The following RBFOX1 variants were observed in gnomAD, a reference collection of about 807,000 sequenced individuals.
RBFOX1 encodes RNA binding fox-1 homolog 1.
A neutral mutation model predicts 57.7 loss-of-function variants in RBFOX1; 8 were observed. The ratio of observed to expected loss-of-function variants is 0.14; its 90% CI spans 0.08 to 0.25. RBFOX1 has a LOEUF of 0.25. Among genes scored for constraint, RBFOX1 ranks in the 10% least tolerant of loss-of-function variants. The pLI, the probability that RBFOX1 is intolerant of heterozygous loss-of-function variation, is 1.00. For synonymous variants in RBFOX1, 326 were observed against 222.4 expected (o/e 1.47, Z -4.15); for missense variants, 611 against 548.5 (o/e 1.11, Z -1.14).
At chr16:5,616,989 C>A (rs1443456555) in intron 3 of RBFOX1, among the ~76,000 whole-genome samples, 2 of 150,470 alleles carry the variant, frequency 1.3e-5, no homozygotes, top group Non-Finnish European at 2.9e-5. Context: ...CCAAGTGAAA[C>A]TGGCCGGAGG....
At chr16:7,166,757 G>T (rs1441639088) in intron 4 of RBFOX1, among the ~76,000 whole-genome samples, 1 of 152,036 alleles carries the variant, frequency 6.6e-6, no homozygotes, top group Non-Finnish European at 1.5e-5. Context: ...ATCCTTGGAT[G>T]AGTGCGCACT....
intron 4 of RBFOX1, among the ~76,000 whole-genome samples, chr16:7,057,536 C>A (rs973883856): frequency 6.6e-5 from 10 of 152,296 alleles, no homozygotes; most frequent in Non-Finnish European, 1.2e-4. Flanking sequence ...ACCATCAGTG[C>A]ATCCTCGTTA....
intron 4 of RBFOX1, among the ~76,000 whole-genome samples, chr16:7,303,120 G>A (rs1603612132): frequency 6.6e-6 from 1 of 152,218 alleles, no homozygotes; most frequent in East Asian, 1.9e-4. Context: ...TAGTCCAACA[G>A]GCTTGATTTC....
At chr16:6,926,038 G>A (rs988758162) in intron 3 of RBFOX1, among the ~76,000 whole-genome samples, 28 of 152,222 alleles carry the variant, frequency 1.8e-4, no homozygotes, top group African/African-American at 6.7e-4. Context: ...GCTGGGCTTG[G>A]TGGCTCGTGT....
intron 4 of RBFOX1, among the ~76,000 whole-genome samples, chr16:7,273,151 C>T (rs1194452639): frequency 9.3e-5 from 11 of 118,250 alleles, no homozygotes; most frequent in Non-Finnish European, 1.8e-4. Context: ...TTCCTTCTTT[C>T]TCCTTCCTTC....
chr16:6,743,209 G>C (rs1433756053), intron 3 of RBFOX1, among the ~76,000 whole-genome samples: 2 of 151,856 alleles, frequency 1.3e-5, no homozygotes, highest in African/African-American at 4.8e-5. Context: ...AGCCAGCAAA[G>C]GAAATAGAAT....
intron 2 of RBFOX1, among the ~76,000 whole-genome samples, chr16:5,508,010 A>C (rs557510814): frequency 6.6e-6 from 1 of 152,298 alleles, no homozygotes; most frequent in East Asian, 1.9e-4. Context: ...ACCCATGAGC[A>C]AGGTGTCCCA....
intron 2 of RBFOX1, among the ~76,000 whole-genome samples, chr16:6,562,437 C>T (rs917598232): frequency 6.6e-6 from 1 of 152,190 alleles, no homozygotes; most frequent in African/African-American, 2.4e-5. Flanking sequence ...CAACTTTTGT[C>T]TATGATCACT....
At position 6,589,993 on chromosome 16, in the gene RBFOX1, T is replaced by C. The variant is rs118134849; in HGVS notation, c.-63-64610T>C. Among the ~76,000 whole-genome samples the C allele has an allele frequency of 9.2e-4, 140 of 152,250 alleles. No individual in the cohort carries two copies. The East Asian group carries it at 0.014, about 15-fold the overall frequency. On this transcript the variant is annotated intron_variant, in intron 2 of 15. Transcript: ENST00000550418. ...CAATTTCCAGTCACTCCTCTTCTGA[T>C]AGAAAGGCCAAGAAGTAGCTCTTAG...
At chr16:6,715,602 A>G (rs934884238) in intron 3 of RBFOX1, among the ~76,000 whole-genome samples, 2 of 152,140 alleles carry the variant, frequency 1.3e-5, no homozygotes, top group Non-Finnish European at 1.5e-5. Context: ...TGGCTGAGCT[A>G]GTTTTCTCTT....
intron 4 of RBFOX1, among the ~76,000 whole-genome samples, chr16:7,219,275 T>A (rs1281515419): frequency 6.6e-6 from 1 of 152,226 alleles, no homozygotes; most frequent in Non-Finnish European, 1.5e-5. Flanking sequence ...TTTGGCATAT[T>A]GTGCCAAAGT....
At chr16:6,986,350 C>A (rs1044032857) in intron 3 of RBFOX1, among the ~76,000 whole-genome samples, 1 of 152,138 alleles carries the variant, frequency 6.6e-6, no homozygotes. Context: ...AGGCGTCTGC[C>A]ACCATGTCTG....
At chr16:6,872,125 G>C (rs913160326) in intron 3 of RBFOX1, among the ~76,000 whole-genome samples, 2 of 152,092 alleles carry the variant, frequency 1.3e-5, no homozygotes, top group Non-Finnish European at 2.9e-5. Context: ...GTTTTAATAT[G>C]ATACGCTTTC....
At chr16:6,632,896 C>T (rs2098401646) in intron 2 of RBFOX1, among the ~76,000 whole-genome samples, 1 of 152,154 alleles carries the variant, frequency 6.6e-6, no homozygotes, top group Non-Finnish European at 1.5e-5. Context: ...AGCTCTCAGA[C>T]AGGATGCTGA....
chr16:6,834,116 G>A (rs1019002664), intron 3 of RBFOX1, among the ~76,000 whole-genome samples: 1 of 151,832 alleles, frequency 6.6e-6, no homozygotes, highest in Non-Finnish European at 1.5e-5. Flanking sequence ...CCGGGCTGGT[G>A]TGCAGTGGTG....
chr16:5,705,909 T>C (rs1318477861), intron 3 of RBFOX1, among the ~76,000 whole-genome samples: 1 of 152,114 alleles, frequency 6.6e-6, no homozygotes, highest in Non-Finnish European at 1.5e-5. Context: ...CGTGTTGCTT[T>C]TTTTTCTGTC....
chr16:5,549,202 T>C lies in RBFOX1; in HGVS notation c.259-49700T>C, dbSNP rs540752446. ...CAGCCATGAGCAAGTGGCAAACTTG[T>C]TGAGAAGGAGCTGAAATGCGGTCAG... On this transcript the variant is annotated intron_variant, in intron 2 of 2. Coordinates refer to the RBFOX1 transcript ENST00000585867. Among the ~76,000 whole-genome samples, 47 of 152,266 alleles carry C rather than the reference T, an allele frequency of 3.1e-4. 2 individuals are homozygous for C. In the South Asian group the frequency reaches 7.5e-3, roughly 24 times the overall value.
intron 2 of RBFOX1, among the ~76,000 whole-genome samples, chr16:6,367,243 T>C (rs2089770711): frequency 8.3e-6 from 1 of 120,110 alleles, no homozygotes; most frequent in Admixed American, 8.4e-5. Flanking sequence ...CTTCTTGGAT[T>C]TTCTTTGTTT....
At chr16:6,807,914 G>GTGTATATATA (rs939673930) in intron 3 of RBFOX1, among the ~76,000 whole-genome samples, 1 of 132,100 alleles carries the variant, frequency 7.6e-6, no homozygotes, top group African/African-American at 2.8e-5. Flanking sequence ...GTGTGTGTGT[G>GTGTATATATA]TATATATATA....
Sources: allele counts gnomAD v4.1 joint callset (sites outside exome capture counted in the v4.1 genomes callset), GRCh38; gene constraint gnomAD v4.1.1; transcripts MANE v1.5; gene names NCBI Gene and HGNC (gene_info 2026-07-23, HGNC 2026-07-21).